The following PPP1R1A variants were observed in gnomAD, a reference collection of about 807,000 sequenced individuals.
PPP1R1A encodes the protein protein phosphatase 1 regulatory inhibitor subunit 1A.
Under a neutral mutation model 23.9 loss-of-function variants are expected in PPP1R1A, and 18 were observed. The observed-to-expected ratio is 0.75, with a 90% CI of 0.52 to 1.12. The LOEUF is 1.12. Ranked by LOEUF, PPP1R1A falls within the 50% of genes most tolerant of loss-of-function variation. The pLI is 0.00. For synonymous variants in PPP1R1A, 84 were observed against 80.7 expected (o/e 1.04, Z -0.22); for missense variants, 207 against 223.8 (o/e 0.92, Z 0.48).
intron 2 of PPP1R1A, 77 bp downstream of exon 2, chr12:54,584,183 T>C: frequency 1.5e-6 from 2 of 1,375,888 alleles, no homozygotes; most frequent in Non-Finnish European, 2.0e-6. Context: ...TCTTCTTCCA[T>C]CTAGCGCCCA....
chr12:54,588,643 G>A lies in PPP1R1A; in HGVS notation c.-155C>T. The A allele has an allele frequency of 3.9e-6, 1 of 255,118 alleles. No homozygotes were observed. 15.8% of individuals were successfully genotyped at this position (255,118 alleles called of 1,614,324 possible). On this transcript the variant is annotated 5_prime_UTR_variant, in exon 1 of 7. Transcript: ENST00000257905. ...GCTCCCGGCACAGCGCTCCCAGCTCGCGGCTCCGGGGACTCTGCCGCCGCC... is the reference window on the plus strand; with the variant it reads ...GCTCCCGGCACAGCGCTCCCAGCTCACGGCTCCGGGGACTCTGCCGCCGCC...
In PPP1R1A at chr12:54,579,745, AG is replaced by A. The variant is rs1957835283; in HGVS notation, c.*641del. ...TTGAAATAAGGGACAGCGGTCCCAC[AG>A]CTGGAAGAGGGAACACATCCTGAAG... On this transcript the variant is annotated 3_prime_UTR_variant, in exon 7 of 7. Transcript: ENST00000257905. 1.0e-6 allele frequency: 1 copy of A among 985,446 alleles called. No individual in the cohort carries two copies. Among genetic ancestry groups the A allele is most frequent in the Non-Finnish European group, 1.2e-6 (1 of 830,022 alleles). The allele number at this position is 985,446 out of a possible 1,614,324, so 61.0% of individuals were successfully genotyped here.
intron 2 of PPP1R1A, among the ~76,000 whole-genome samples, chr12:54,583,874 T>C (rs1281969667): frequency 7.9e-5 from 12 of 152,062 alleles, no homozygotes; most frequent in Non-Finnish European, 1.6e-4. Flanking sequence ...CTTCTAACCT[T>C]CCCCTCCCCC....
Position 54,588,621 on chromosome 12 carries a change from C to T in PPP1R1A, c.-133G>A, listed in dbSNP as rs1191870344. ...AGCCCGGCGCGCTCGGCTCCCGGCTCCCGGCACAGCGCTCCCAGCTCGCGG... is the reference window on the plus strand; with the variant it reads ...AGCCCGGCGCGCTCGGCTCCCGGCTTCCGGCACAGCGCTCCCAGCTCGCGG... On this transcript the variant is annotated 5_prime_UTR_variant, in exon 1 of 7. Coordinates refer to ENST00000257905, the MANE Select transcript of PPP1R1A (RefSeq NM_006741.4). 3.1e-6 allele frequency: 1 copy of T among 325,522 alleles called. No individual in the cohort carries two copies. The highest frequency in any genetic ancestry group is 5.0e-6 in the Non-Finnish European group (1 of 199,056). 20.2% of individuals were successfully genotyped at this position (325,522 alleles called of 1,614,324 possible). A position where few individuals can be genotyped will look rare whatever the true frequency, so the allele number is the denominator to read the frequency against.
At chr12:54,582,455 T>C (rs1957864745) in intron 4 of PPP1R1A, among the ~76,000 whole-genome samples, 1 of 152,084 alleles carries the variant, frequency 6.6e-6, no homozygotes, top group Non-Finnish European at 1.5e-5. Context: ...CAAGAAAAAT[T>C]TGAGTATCTT....
Position 54,582,043 on chromosome 12 carries a change from C to T in PPP1R1A, c.336G>A (p.Glu112=). The change falls in exon 5 of 7, where the codon GAG becomes GAA. Residue 112 remains glutamate, a synonymous_variant. Coordinates refer to ENST00000257905, the MANE Select transcript of PPP1R1A (RefSeq NM_006741.4). ...TGTCTGGGATCCCAGGTGGGCGGGACTCCTGGGTTCCTGTGCTCTCAGCGG... is the reference window on the plus strand; with the variant it reads ...TGTCTGGGATCCCAGGTGGGCGGGATTCCTGGGTTCCTGTGCTCTCAGCGG... ...EGAAESTGTQ[E]SRPPGIPDTE... The T allele has an allele frequency of 6.2e-7, 1 of 1,613,840 alleles. No homozygotes were observed. The highest frequency in any genetic ancestry group is 8.5e-7 in the Non-Finnish European group (1 of 1,179,826).
At chr12:54,584,169 C>T in intron 2 of PPP1R1A, 91 bp downstream of exon 2, 1 of 1,267,282 alleles carries the variant, frequency 7.9e-7, no homozygotes, top group Non-Finnish European at 1.1e-6. Context: ...CTTCTCAGAG[C>T]TGTTCTTCTT....
intron 6 of PPP1R1A, 32 bp downstream of exon 6, chr12:54,580,912 T>C (rs1352352766): frequency 6.5e-7 from 1 of 1,543,770 alleles, no homozygotes; most frequent in Non-Finnish European, 9.0e-7. Flanking sequence ...CCTCCTCTCC[T>C]ATGACCTGGC....
In PPP1R1A at chr12:54,588,536, G is replaced by A. The variant is rs1378383651; in HGVS notation, c.-48C>T. The A allele has an allele frequency of 1.6e-6, 2 of 1,227,026 alleles. No homozygotes were observed. 76.0% of individuals were successfully genotyped at this position (1,227,026 alleles called of 1,614,324 possible). A position where few individuals can be genotyped will look rare whatever the true frequency, so the allele number is the denominator to read the frequency against. On this transcript the variant is annotated 5_prime_UTR_variant, in exon 1 of 7. Transcript: ENST00000257905. The stretch of plus-strand genomic sequence containing the variant: ...CCCGCGCTGCGGCGGGAGGGAAGGC[G>A]GCGGGACTCGGGGCTGGGGCGGGCG...
chr12:54,587,418 T>C (rs1353976393), intron 1 of PPP1R1A, among the ~76,000 whole-genome samples: 2 of 152,144 alleles, frequency 1.3e-5, no homozygotes, highest in Admixed American at 6.5e-5. Flanking sequence ...TACAAAGAGA[T>C]GGAGCAATAG....
At position 54,581,991 on chromosome 12, in the gene PPP1R1A, A is replaced by G; in HGVS notation, c.388T>C (p.Ser130Pro). The G allele has an allele frequency of 6.2e-7, 1 of 1,612,682 alleles. No homozygotes were observed. Among genetic ancestry groups the G allele is most frequent in the Non-Finnish European group, 8.5e-7 (1 of 1,179,270 alleles). The change falls in exon 5 of 7, where the codon TCT becomes CCT. Residue 130 changes from serine (S) to proline (P), a missense_variant. Ser to Pro is a moderately conservative substitution (Grantham distance 74). Coordinates refer to ENST00000257905, the MANE Select transcript of PPP1R1A (RefSeq NM_006741.4). This position sits in a 1 kb window ranked among gnomAD's most constrained non-coding sequence, Gnocchi z 4.1. ...DTEVESRLGTSGTAKKTAECI... is the reference protein window; with the variant it reads ...DTEVESRLGTPGTAKKTAECI... ...CTGAACATACTTTTTGCTGTCCCAG[A>G]GGTGCCCAGCCTTGACTCCACTTCT... is the stretch of plus-strand genomic sequence containing the variant.
rs1177788641 is a variant in PPP1R1A at position 54,588,469 on chromosome 12, G to A, written c.20C>T (p.Pro7Leu). The A allele has an allele frequency of 6.8e-7, 1 of 1,468,664 alleles. No individual in the cohort carries two copies. The highest frequency in any genetic ancestry group is 9.1e-7 in the Non-Finnish European group (1 of 1,103,204). 91.0% of individuals were successfully genotyped at this position (1,468,664 alleles called of 1,614,324 possible). The change falls in exon 1 of 7, where the codon CCC (proline) becomes CTC (leucine). Residue 7 changes from proline to leucine, a missense_variant. By Grantham distance (98) the Pro-to-Leu change is moderately conservative. Coordinates refer to ENST00000257905, the MANE Select transcript of PPP1R1A (RefSeq NM_006741.4). MEQDNS[P>L]RKIQFTVPLL... ...CGGGACCGTGAACTGGATCTTTCGGGGGCTGTTGTCTTGCTCCATGGCTGG... is the reference window on the plus strand; with the variant it reads ...CGGGACCGTGAACTGGATCTTTCGGAGGCTGTTGTCTTGCTCCATGGCTGG...
At chr12:54,587,769 G>C (rs1445174016) in intron 1 of PPP1R1A, among the ~76,000 whole-genome samples, 1 of 152,080 alleles carries the variant, frequency 6.6e-6, no homozygotes, top group Middle Eastern at 3.2e-3. Context: ...TTGGGAATAA[G>C]GGCCATGTGC....
rs1275870540 is a variant in PPP1R1A, at chr12:54,588,608, T to TCGGCTCC, written c.-127_-121dup. The TCGGCTCC allele has an allele frequency of 5.5e-4, 236 of 426,274 alleles. No homozygotes were observed. Among genetic ancestry groups the TCGGCTCC allele is most frequent in the Middle Eastern group, 2.6e-3 (3 of 1,152 alleles). The allele number at this position is 426,274 out of a possible 1,614,324, so 26.4% of individuals were successfully genotyped here. ...CGGCCCCGGCCCCAGCCCGGCGCGC[T>TCGGCTCC]CGGCTCCCGGCTCCCGGCACAGCGC... On this transcript the variant is annotated 5_prime_UTR_variant, in exon 1 of 7. Coordinates refer to ENST00000257905, the MANE Select transcript of PPP1R1A (RefSeq NM_006741.4).
At chr12:54,587,064 G>A (rs1268375803) in intron 1 of PPP1R1A, among the ~76,000 whole-genome samples, 5 of 152,146 alleles carry the variant, frequency 3.3e-5, no homozygotes, top group Non-Finnish European at 5.9e-5. Context: ...GAGCCTTCCC[G>A]TAGTCACACC....
At chr12:54,582,851 C>T in intron 3 of PPP1R1A, 56 bp from the exon 4 acceptor site, 1 of 1,550,734 alleles carries the variant, frequency 6.4e-7, no homozygotes, top group Non-Finnish European at 8.9e-7. Context: ...CTCCAGACCC[C>T]TCCCTTGCCC....
chr12:54,588,563 G>T lies in PPP1R1A; in HGVS notation c.-75C>A. On this transcript the variant is annotated 5_prime_UTR_variant, in exon 1 of 7. Transcript: ENST00000257905. Reference sequence around the variant, plus strand: ...CGGGACTCGGGGCTGGGGCGGGCGCGCTCCCTCTCCGCTCCGCTCCGGCCC... The same window carrying T: ...CGGGACTCGGGGCTGGGGCGGGCGCTCTCCCTCTCCGCTCCGCTCCGGCCC... 2.2e-6 allele frequency: 2 copies of T among 923,302 alleles called. No individual in the cohort carries two copies. The highest frequency in any genetic ancestry group is 2.8e-6 in the Non-Finnish European group (2 of 702,630). 57.2% of individuals were successfully genotyped at this position (923,302 alleles called of 1,614,324 possible).
rs1957826698 is a variant in PPP1R1A, at chr12:54,579,329, T to C, written c.*1058A>G. 2.2e-6 allele frequency: 2 copies of C among 894,798 alleles called. No individual in the cohort carries two copies. The highest frequency in any genetic ancestry group is 2.1e-4 in the Admixed American group (1 of 4,792). The allele number at this position is 894,798 out of a possible 1,614,324, so 55.4% of individuals were successfully genotyped here. On this transcript the variant is annotated 3_prime_UTR_variant, in exon 7 of 7. Coordinates refer to ENST00000257905, the MANE Select transcript of PPP1R1A (RefSeq NM_006741.4). ...AGCATGATAAAATCTGGGTGAGGCG[T>C]TCTCCCTCATATATATATATATATA...
chr12:54,584,839 C>T (rs1315570488), intron 1 of PPP1R1A, among the ~76,000 whole-genome samples: 1 of 152,148 alleles, frequency 6.6e-6, no homozygotes, highest in Non-Finnish European at 1.5e-5. Flanking sequence ...AAGACCACCT[C>T]GCCTCCCTGC....
Sources: gnomAD v4.1 joint callset for allele counts (sites outside exome capture counted in the v4.1 genomes callset) on GRCh38, gnomAD v4.1.1 for gene constraint, Gnocchi (gnomAD v3.1) non-coding constraint, MANE v1.5 for transcripts, NCBI Gene and HGNC (gene_info 2026-07-23, HGNC 2026-07-21) for gene names.